Variants in GRID1 observed in about 807,000 individuals in gnomAD.
GRID1 encodes the protein glutamate ionotropic receptor delta type subunit 1, also known as glutamate receptor ionotropic, delta-1.
A neutral mutation model predicts 98.0 loss-of-function variants in GRID1; 28 were observed. The ratio of observed to expected loss-of-function variants is 0.29; its 90% CI spans 0.21 to 0.39. GRID1 has a LOEUF of 0.39. GRID1 is among the 10% of genes least tolerant of loss of function. The probability of loss-of-function intolerance (pLI) is 1.00; values close to 1 mark genes in which losing one functional copy is unlikely to be tolerated. For missense variants in GRID1, 1,111 were observed against 1,340.5 expected, an observed-to-expected ratio of 0.83 and a Z score of 2.67; for synonymous variants, 553 against 538.5, an observed-to-expected ratio of 1.03 and a Z score of -0.37.
intron 3 of GRID1, among the ~76,000 whole-genome samples, chr10:86,141,116 G>A (rs1455731691): frequency 6.6e-6 from 1 of 152,060 alleles, no homozygotes; most frequent in Non-Finnish European, 1.5e-5. Flanking sequence ...GCCAGCCCCA[G>A]GGCCGAGATG....
At chr10:85,969,783 A>G (rs373237731) in intron 4 of GRID1, among the ~76,000 whole-genome samples, 1 of 152,172 alleles carries the variant, frequency 6.6e-6, no homozygotes, top group Admixed American at 6.5e-5. Flanking sequence ...CCCTTAAGAA[A>G]CTAAAAAGAT....
rs554508293 is a variant in GRID1, at chr10:85,634,388, A to G, written c.2193+12814T>C. 3.6e-4 allele frequency among the ~76,000 whole-genome samples: 55 copies of G among 151,906 alleles called. 1 individual carries two copies. Among genetic ancestry groups the G allele is most frequent in the African/African-American group, 1.1e-3 (47 of 41,410 alleles). Reference sequence around the variant, plus strand: ...ATGTTGTAGAGTGAGGAGACCTATCAGCTGTTTATTGGAACACCCCATCCC... The same window carrying G: ...ATGTTGTAGAGTGAGGAGACCTATCGGCTGTTTATTGGAACACCCCATCCC... On this transcript the variant is annotated intron_variant, in intron 13 of 15. Coordinates refer to ENST00000327946, the MANE Select transcript of GRID1 (RefSeq NM_017551.3).
intron 3 of GRID1, among the ~76,000 whole-genome samples, chr10:86,144,272 A>C (rs1845053339): frequency 6.6e-6 from 1 of 152,106 alleles, no homozygotes; most frequent in South Asian, 2.1e-4. Flanking sequence ...CGGTGAGGAG[A>C]AGCAGCTCTG....
intron 2 of GRID1, among the ~76,000 whole-genome samples, chr10:86,333,292 C>T (rs944634500): frequency 1.3e-5 from 2 of 152,234 alleles, no homozygotes; most frequent in Admixed American, 1.3e-4. Context: ...TTTCAGGAAG[C>T]CTTCCCTAAC....
chr10:86,145,994 C>G (rs1845084689), intron 3 of GRID1, among the ~76,000 whole-genome samples: 1 of 152,162 alleles, frequency 6.6e-6, no homozygotes, highest in South Asian at 2.1e-4. Context: ...TTGTGACTAT[C>G]CCTCCACTCC....
Position 85,880,791 on chromosome 10 carries a change from G to A in GRID1, c.781-11611C>T, listed in dbSNP as rs540886833. On this transcript the variant is annotated intron_variant, in intron 5 of 15. Coordinates refer to ENST00000327946, the MANE Select transcript of GRID1 (RefSeq NM_017551.3). Reference sequence around the variant, plus strand: ...TGGCCAGGGCAATTAGGCAGGAGAAGGAAATAAAGGGTATTCAATTAGGAA... The same window carrying A: ...TGGCCAGGGCAATTAGGCAGGAGAAAGAAATAAAGGGTATTCAATTAGGAA... Among the ~76,000 whole-genome samples, 9 of 152,136 alleles carry A rather than the reference G, an allele frequency of 5.9e-5. No individual in the cohort carries two copies. The South Asian group carries it at 1.9e-3, about 32-fold the overall frequency.
chr10:85,870,087 A>G (rs1316593359), intron 5 of GRID1, among the ~76,000 whole-genome samples: 1 of 152,190 alleles, frequency 6.6e-6, no homozygotes, highest in African/African-American at 2.4e-5. Context: ...GGTGTTGCCA[A>G]AGGATTTTAA....
chr10:85,888,074 C>T (rs768835021), intron 5 of GRID1, among the ~76,000 whole-genome samples: 2 of 152,166 alleles, frequency 1.3e-5, no homozygotes, highest in Admixed American at 6.5e-5. Flanking sequence ...ACCCTTGACC[C>T]CTTGCCAGGA....
At position 86,204,179 on chromosome 10, in the gene GRID1, C is replaced by G. The variant is rs369061087; in HGVS notation, c.520+2185G>C. The stretch of plus-strand genomic sequence containing the variant: ...AGCCTACACCCCTTCCCTGCTACCT[C>G]ATAGTCAGAGGTCAGACCATCCAGT... On this transcript the variant is annotated intron_variant, in intron 3 of 15. Transcript: ENST00000327946. 5.9e-5 allele frequency among the ~76,000 whole-genome samples: 9 copies of G among 152,320 alleles called. No homozygotes were observed. The South Asian group carries it at 1.9e-3, about 32-fold the overall frequency.
intron 4 of GRID1, among the ~76,000 whole-genome samples, chr10:85,985,241 G>T (rs950194549): frequency 6.6e-6 from 1 of 152,198 alleles, no homozygotes; most frequent in Non-Finnish European, 1.5e-5. Flanking sequence ...CTGAGACTCG[G>T]AGAGGGTTCA....
At chr10:85,809,048 C>CA (rs1842646378) in intron 8 of GRID1, among the ~76,000 whole-genome samples, 1 of 151,804 alleles carries the variant, frequency 6.6e-6, no homozygotes, top group Non-Finnish European at 1.5e-5. Flanking sequence ...TTTAAATCCA[C>CA]AAAAAATTAT....
chr10:86,046,827 C>G (rs542736895), intron 4 of GRID1, among the ~76,000 whole-genome samples: 43 of 149,504 alleles, frequency 2.9e-4, no homozygotes, highest in Non-Finnish European at 5.6e-4. Context: ...GCTTTGAATC[C>G]CAACAATAAT....
chr10:85,889,286 A>G (rs1174091601), intron 5 of GRID1, among the ~76,000 whole-genome samples: 8 of 152,172 alleles, frequency 5.3e-5, no homozygotes, highest in Admixed American at 4.6e-4. Context: ...ATAGGCCCAG[A>G]AAAGGAGTTT....
In GRID1 at chr10:85,952,853, C is replaced by A. The variant is rs537738109; in HGVS notation, c.727-36614G>T. 1.1e-4 allele frequency among the ~76,000 whole-genome samples: 17 copies of A among 152,240 alleles called. No individual in the cohort carries two copies. The South Asian group carries it at 2.7e-3, about 24-fold the overall frequency. On this transcript the variant is annotated intron_variant, in intron 4 of 15. Transcript: ENST00000327946. Reference sequence around the variant, plus strand: ...TCAGATTTTCTTCTGCCTCTTCCACCCCTAGAGAGCAAGACCAGCCCCTCT... The same window carrying A: ...TCAGATTTTCTTCTGCCTCTTCCACACCTAGAGAGCAAGACCAGCCCCTCT...
At chr10:86,073,924 C>T (rs911605240) in intron 4 of GRID1, among the ~76,000 whole-genome samples, 2 of 143,044 alleles carry the variant, frequency 1.4e-5, no homozygotes, top group African/African-American at 5.2e-5. Context: ...ACAAATGCAC[C>T]CAGGACAGAG....
chr10:85,894,728 C>A (rs1301572213), intron 5 of GRID1, among the ~76,000 whole-genome samples: 1 of 151,962 alleles, frequency 6.6e-6, no homozygotes. Flanking sequence ...CAGAACTTGG[C>A]CGGGTGCGGT....
At chr10:85,605,482 G>A (rs1842647289) in intron 15 of GRID1, 1 of 152,188 alleles carries the variant, frequency 6.6e-6, no homozygotes, top group African/African-American at 2.4e-5. Flanking sequence ...GATGACCTGG[G>A]ACCATTGGAA....
intron 4 of GRID1, among the ~76,000 whole-genome samples, chr10:86,078,104 C>A (rs1843910803): frequency 6.6e-6 from 1 of 152,236 alleles, no homozygotes; most frequent in Admixed American, 6.5e-5. Flanking sequence ...CCTCCCTTGG[C>A]AGGCCTGATC....
At chr10:85,732,883 C>T (rs1318264973) in intron 8 of GRID1, among the ~76,000 whole-genome samples, 1 of 152,098 alleles carries the variant, frequency 6.6e-6, no homozygotes, top group Non-Finnish European at 1.5e-5. Flanking sequence ...CACTAAAATC[C>T]CCAAAATCCC....
Sources: gnomAD v4.1 joint callset for allele counts (sites outside exome capture counted in the v4.1 genomes callset) on GRCh38, gnomAD v4.1.1 for gene constraint, MANE v1.5 for transcripts, NCBI Gene and HGNC (gene_info 2026-07-23, HGNC 2026-07-21) for gene names.